Variants in RPN2 observed in about 807,000 individuals in gnomAD.
The protein encoded by RPN2 is dolichyl-diphosphooligosaccharide--protein glycosyltransferase subunit 2.
In RPN2, 29 loss-of-function variants were observed where a neutral mutation model predicts 71.4. The ratio of observed to expected loss-of-function variants is 0.41; its 90% CI spans 0.30 to 0.55. The LOEUF (loss-of-function observed/expected upper bound fraction) is 0.55. RPN2 is among the 20% of genes least tolerant of loss of function. The probability of loss-of-function intolerance (pLI) is 0.35; values close to 1 mark genes in which losing one functional copy is unlikely to be tolerated. For missense variants in RPN2, 726 were observed against 774.1 expected, an observed-to-expected ratio of 0.94 and a Z score of 0.74; for synonymous variants, 308 against 305.0, an observed-to-expected ratio of 1.01 and a Z score of -0.10.
intron 2 of RPN2, among the ~76,000 whole-genome samples, chr20:37,195,113 A>G (rs1365327861): frequency 1.3e-5 from 2 of 152,112 alleles, no homozygotes; most frequent in East Asian, 3.9e-4. Flanking sequence ...TTTAGGGGGC[A>G]GTTTTCAGCC....
chr20:37,202,411 G>A (rs749303755), intron 4 of RPN2, among the ~76,000 whole-genome samples: 9 of 152,112 alleles, frequency 5.9e-5, no homozygotes, highest in Non-Finnish European at 1.0e-4. Flanking sequence ...TTATGTTCTT[G>A]ACATAAGCAG....
intron 8 of RPN2, among the ~76,000 whole-genome samples, chr20:37,211,418 C>T (rs1465030731): frequency 6.6e-6 from 1 of 150,586 alleles, no homozygotes; most frequent in African/African-American, 2.4e-5. Flanking sequence ...GTGGGCGGAT[C>T]ACTTGAGGTC....
chr20:37,228,855 A>G, intron 12 of RPN2, 111 bp downstream of exon 12: 3 of 994,720 alleles, frequency 3.0e-6, no homozygotes, highest in South Asian at 2.7e-5. Context: ...TGTGCCTCCT[A>G]TAAATAAGCT....
At chr20:37,230,386 C>T (rs927338323) in intron 13 of RPN2, among the ~76,000 whole-genome samples, 3 of 152,160 alleles carry the variant, frequency 2.0e-5, no homozygotes, top group African/African-American at 7.2e-5. Context: ...CTCCCTGCTC[C>T]TGTGTAAATC....
At chr20:37,228,515 T>C in intron 11 of RPN2, 35 bp from the exon 12 acceptor site, 1 of 1,593,592 alleles carries the variant, frequency 6.3e-7, no homozygotes, top group Non-Finnish European at 8.6e-7. Flanking sequence ...ATCTTGAAAT[T>C]ATCAGATGAA....
rs976741267 is a variant in RPN2 at position 37,205,290 on chromosome 20, T to C, written c.690+389T>C. 1.4e-4 allele frequency among the ~76,000 whole-genome samples: 22 copies of C among 151,996 alleles called. 1 individual carries two copies. The highest frequency in any genetic ancestry group is 5.1e-4 in the African/African-American group (21 of 41,380). On this transcript the variant is annotated intron_variant, in intron 6 of 16. Transcript: ENST00000237530. ...TGGGCTCACAATTGCTTCTCCTCCC[T>C]TCCCCCTTATGCTCAGCAACGGCTA...
chr20:37,218,536 C>T (rs1401494242), intron 9 of RPN2, among the ~76,000 whole-genome samples: 2 of 133,398 alleles, frequency 1.5e-5, no homozygotes, highest in African/African-American at 2.9e-5. Context: ...GGGGAAACCC[C>T]GTCTCTGCTA....
chr20:37,229,749 G>A lies in RPN2; in HGVS notation c.1495-224G>A, dbSNP rs1458689436. ...GCAGCTCTATGGGGCTACTATACCA[G>A]CAGAAAATTAGAAGTCTTGCTCTAA... On this transcript the variant is annotated intron_variant, in intron 12 of 16. Transcript: ENST00000237530. The A allele has an allele frequency of 8.5e-6, 5 of 588,664 alleles. No individual in the cohort carries two copies. The Admixed American group carries it at 1.1e-4, about 13-fold the overall frequency. The allele number at this position is 588,664 out of a possible 1,614,324, so 36.5% of individuals were successfully genotyped here. A position where few individuals can be genotyped will look rare whatever the true frequency, so the allele number is the denominator to read the frequency against.
At chr20:37,225,984 C>T (rs1434628859) in intron 11 of RPN2, among the ~76,000 whole-genome samples, 182 bp downstream of exon 11, 2 of 152,168 alleles carry the variant, frequency 1.3e-5, no homozygotes, top group Non-Finnish European at 2.9e-5. Flanking sequence ...GGTTGTAGTC[C>T]TTTACCTGGG....
intron 16 of RPN2, among the ~76,000 whole-genome samples, chr20:37,239,878 G>C (rs2068507567): frequency 1.3e-5 from 2 of 152,104 alleles, no homozygotes; most frequent in Non-Finnish European, 2.9e-5. Flanking sequence ...GCTGCTACAT[G>C]TTGAGTTCTT....
intron 7 of RPN2, 25 bp from the exon 8 acceptor site, chr20:37,210,022 C>T: frequency 1.2e-6 from 2 of 1,612,222 alleles, no homozygotes; most frequent in South Asian, 2.2e-5. Flanking sequence ...TTTGTTGTAA[C>T]AAATAATTTT....
chr20:37,236,652 T>C lies in RPN2; in HGVS notation c.1826T>C (p.Leu609Pro), dbSNP rs1269326970. The change falls in exon 16 of 17, where the codon CTG becomes CCG. Residue 609 changes from leucine (L) to proline (P), a missense_variant. Leu to Pro is a moderately conservative substitution (Grantham distance 98). Coordinates refer to ENST00000237530, the MANE Select transcript of RPN2 (RefSeq NM_002951.5). ...MFQTLKYLAI[L>P]GSVTFLAGNR... ...CAGACCTTGAAGTACCTGGCCATCC[T>C]GGGCAGTGTGACGTTTCTGGCTGGC... The C allele has an allele frequency of 6.2e-7, 1 of 1,614,016 alleles. No homozygotes were observed. The highest frequency in any genetic ancestry group is 8.5e-7 in the Non-Finnish European group (1 of 1,179,972).
At chr20:37,181,076 A>G (rs1005043423) in intron 1 of RPN2, among the ~76,000 whole-genome samples, 4 of 152,124 alleles carry the variant, frequency 2.6e-5, no homozygotes, top group African/African-American at 9.7e-5. Flanking sequence ...TAAAAAGACA[A>G]AAATTAGCTG....
chr20:37,207,579 C>A, intron 7 of RPN2, 130 bp downstream of exon 7: 1 of 858,428 alleles, frequency 1.2e-6, no homozygotes, highest in South Asian at 1.4e-5. Flanking sequence ...GAGGGCAAGG[C>A]TCATTTCCCT....
chr20:37,203,998 T>C, intron 5 of RPN2, 38 bp downstream of exon 5: 1 of 1,405,454 alleles, frequency 7.1e-7, no homozygotes, highest in Non-Finnish European at 1.0e-6. Context: ...CCAGCTCCTG[T>C]CTTTGACACT....
At chr20:37,200,397 T>A (rs1413392149) in intron 4 of RPN2, 2 of 495,718 alleles carry the variant, frequency 4.0e-6, no homozygotes, top group Non-Finnish European at 8.3e-6. Context: ...TAAAACAATA[T>A]TTTTTTTGTC....
At chr20:37,212,804 A>G (rs921262579) in intron 8 of RPN2, among the ~76,000 whole-genome samples, 6 of 152,166 alleles carry the variant, frequency 3.9e-5, no homozygotes, top group Admixed American at 6.5e-5. Context: ...GTGTTAAATT[A>G]GGTAATAAGT....
At chr20:37,224,679 C>A (rs747146891) in intron 10 of RPN2, among the ~76,000 whole-genome samples, 1 of 152,200 alleles carries the variant, frequency 6.6e-6, no homozygotes, top group Non-Finnish European at 1.5e-5. Flanking sequence ...TCCCCCAGAT[C>A]CTTATTGGCT....
intron 1 of RPN2, among the ~76,000 whole-genome samples, chr20:37,183,664 A>G (rs748544902): frequency 2.6e-5 from 4 of 152,190 alleles, no homozygotes; most frequent in Non-Finnish European, 5.9e-5. Flanking sequence ...TCTTCCTTAC[A>G]TTATTGTACT....
Sources: gnomAD v4.1 joint callset for allele counts (sites outside exome capture counted in the v4.1 genomes callset) on GRCh38, gnomAD v4.1.1 for gene constraint, MANE v1.5 for transcripts, NCBI Gene and HGNC (gene_info 2026-07-23, HGNC 2026-07-21) for gene names.